The following ARMC3 variants were observed in gnomAD, a reference collection of about 807,000 sequenced individuals.
The protein encoded by ARMC3 is armadillo repeat containing 3.
ARMC3 carries 74 observed loss-of-function variants against 90.3 expected under a neutral mutation model. The observed-to-expected ratio is 0.82, with a 90% CI of 0.68 to 0.99. ARMC3 has a LOEUF of 0.99. ARMC3 is among the 50% of genes least tolerant of loss of function. The pLI, the probability that ARMC3 is intolerant of heterozygous loss-of-function variation, is 0.00. For missense variants in ARMC3, 958 were observed against 1,042.8 expected (o/e 0.92, Z 1.12); for synonymous variants, 334 against 361.8 (o/e 0.92, Z 0.87).
At chr10:22,972,680 T>A in intron 8 of ARMC3, among the ~76,000 whole-genome samples, 1 of 152,196 alleles carries the variant, frequency 6.6e-6, no homozygotes, top group Non-Finnish European at 1.5e-5. Flanking sequence ...TCTTGTTTAG[T>A]CTCTCTCCAC....
chr10:22,997,984 C>A (rs1293210272), intron 10 of ARMC3, among the ~76,000 whole-genome samples, 164 bp from the exon 11 acceptor site: 5 of 152,116 alleles, frequency 3.3e-5, no homozygotes, highest in African/African-American at 9.7e-5. Context: ...TCCCAGACTC[C>A]ATTTAAATCA....
intron 16 of ARMC3, among the ~76,000 whole-genome samples, chr10:23,016,029 T>C (rs1436717527): frequency 6.6e-6 from 1 of 152,058 alleles, no homozygotes; most frequent in African/African-American, 2.4e-5. Flanking sequence ...AATCAGACAC[T>C]ACCCAGAACA....
chr10:22,962,984 T>C (rs879723862), intron 7 of ARMC3, among the ~76,000 whole-genome samples: 4 of 152,128 alleles, frequency 2.6e-5, no homozygotes, highest in Admixed American at 2.6e-4. Context: ...ATAGTACACA[T>C]TTTATCCTGT....
chr10:22,997,178 C>A (rs1399846923), intron 10 of ARMC3: 1 of 152,148 alleles, frequency 6.6e-6, no homozygotes, highest in East Asian at 1.9e-4. Context: ...AAAGTATCTT[C>A]CACTCATTAA....
chr10:22,989,139 G>A (rs1836591788), intron 10 of ARMC3, among the ~76,000 whole-genome samples: 1 of 152,148 alleles, frequency 6.6e-6, no homozygotes, highest in Non-Finnish European at 1.5e-5. Context: ...TTAATGAAAC[G>A]TACGTTAATT....
chr10:22,954,480 AGT>A (rs1834850644), intron 3 of ARMC3, among the ~76,000 whole-genome samples: 1 of 151,346 alleles, frequency 6.6e-6, no homozygotes, highest in Non-Finnish European at 1.5e-5. Context: ...TGGGAAACAT[AGT>A]GAGACCCCAT....
chr10:23,003,785 G>A (rs1390553401), intron 13 of ARMC3, among the ~76,000 whole-genome samples: 1 of 151,838 alleles, frequency 6.6e-6, no homozygotes, highest in East Asian at 1.9e-4. Context: ...GTGCACTATG[G>A]TTGTGCCTGT....
chr10:22,997,413 T>A (rs1322489922), intron 10 of ARMC3: 4 of 152,140 alleles, frequency 2.6e-5, no homozygotes, highest in South Asian at 4.1e-4. Context: ...TGTGAAAAAA[T>A]GTTAGTATAT....
At chr10:22,941,599 G>C (rs1039593010) in intron 2 of ARMC3, among the ~76,000 whole-genome samples, 3 of 152,282 alleles carry the variant, frequency 2.0e-5, no homozygotes, top group African/African-American at 7.2e-5. Context: ...AATTAATGAA[G>C]GTGAATGAGT....
intron 3 of ARMC3, among the ~76,000 whole-genome samples, chr10:22,947,529 C>A (rs1420937653): frequency 6.6e-6 from 1 of 152,184 alleles, no homozygotes; most frequent in Non-Finnish European, 1.5e-5. Context: ...TCAAAACTGT[C>A]ATGGCTATCT....
intron 7 of ARMC3, among the ~76,000 whole-genome samples, chr10:22,963,955 A>T (rs982624145): frequency 3.4e-5 from 5 of 145,880 alleles, no homozygotes; most frequent in African/African-American, 1.3e-4. Context: ...AAAAAAGACT[A>T]ACAAACTGGA....
intron 8 of ARMC3, among the ~76,000 whole-genome samples, chr10:22,977,095 C>T (rs566888611): frequency 3.3e-5 from 5 of 152,080 alleles, no homozygotes; most frequent in Admixed American, 6.5e-5. Flanking sequence ...CTGGTTTGGG[C>T]CTTTTGTCTG....
At chr10:22,947,235 G>A (rs1303811601) in intron 3 of ARMC3, among the ~76,000 whole-genome samples, 2 of 151,926 alleles carry the variant, frequency 1.3e-5, no homozygotes, top group Non-Finnish European at 2.9e-5. Context: ...GACCCTGGGA[G>A]GCAGAGGTTG....
At chr10:23,022,945 C>A (rs1424677387) in intron 16 of ARMC3, among the ~76,000 whole-genome samples, 3 of 152,034 alleles carry the variant, frequency 2.0e-5, no homozygotes, top group Non-Finnish European at 2.9e-5. Flanking sequence ...GTGGAACCTG[C>A]AAGAGGGACC....
At chr10:23,022,191 C>T (rs1838538135) in intron 16 of ARMC3, among the ~76,000 whole-genome samples, 1 of 152,116 alleles carries the variant, frequency 6.6e-6, no homozygotes, top group African/African-American at 2.4e-5. Flanking sequence ...TTAGGGCTAG[C>T]ATTAATTTTG....
chr10:23,023,168 C>T (rs1158553364), intron 16 of ARMC3, among the ~76,000 whole-genome samples: 1 of 152,144 alleles, frequency 6.6e-6, no homozygotes. Context: ...AAATACCTAT[C>T]CTTCACAGAG....
At chr10:23,022,594 T>C (rs1838554859) in intron 16 of ARMC3, among the ~76,000 whole-genome samples, 1 of 152,148 alleles carries the variant, frequency 6.6e-6, no homozygotes, top group African/African-American at 2.4e-5. Context: ...TTGACAACAC[T>C]AGGCAAACTC....
rs549045620 is a variant in ARMC3, at chr10:22,973,211, A to G, written c.916+4722A>G. On this transcript the variant is annotated intron_variant, in intron 8 of 18. Transcript: ENST00000298032. ...CTACTTGGGAGGCTGAGGAAGGAAGATCACTTGAGCCCAGGAGTTTGAGGC... is the reference window on the plus strand; with the variant it reads ...CTACTTGGGAGGCTGAGGAAGGAAGGTCACTTGAGCCCAGGAGTTTGAGGC... Among the ~76,000 whole-genome samples, 9 of 151,836 alleles carry G rather than the reference A, an allele frequency of 5.9e-5. No individual in the cohort carries two copies. The South Asian group carries it at 1.9e-3, about 32-fold the overall frequency.
intron 3 of ARMC3, among the ~76,000 whole-genome samples, chr10:22,949,686 C>T (rs868367867): frequency 2.0e-5 from 3 of 152,052 alleles, no homozygotes; most frequent in African/African-American, 7.2e-5. Flanking sequence ...ACAGAAAAAG[C>T]GTTTGAAGAA....
Sources: gnomAD v4.1 joint callset for allele counts (sites outside exome capture counted in the v4.1 genomes callset) on GRCh38, gnomAD v4.1.1 for gene constraint, MANE v1.5 for transcripts, NCBI Gene and HGNC (gene_info 2026-07-23, HGNC 2026-07-21) for gene names.